Variants in ESR1 observed in about 807,000 individuals in gnomAD.
ESR1 encodes estrogen receptor 1, also known as estrogen receptor.
Under a neutral mutation model 52.7 loss-of-function variants are expected in ESR1, and 12 were observed. The ratio of observed to expected loss-of-function variants is 0.23; its 90% CI spans 0.15 to 0.37. The LOEUF (loss-of-function observed/expected upper bound fraction) is 0.37, where lower values mean the gene tolerates loss of function less well. Ranked by LOEUF, ESR1 falls within the 10% of genes least tolerant of loss-of-function variation. The pLI is 1.00. For synonymous variants in ESR1, 305 were observed against 316.8 expected, an observed-to-expected ratio of 0.96 and a Z score of 0.39; for missense variants, 584 against 779.7, an observed-to-expected ratio of 0.75 and a Z score of 2.99.
intron 2 of ESR1, among the ~76,000 whole-genome samples, chr6:151,859,335 G>A (rs1361903877): frequency 2.0e-5 from 3 of 152,196 alleles, no homozygotes; most frequent in Non-Finnish European, 2.9e-5. Context: ...AAATAGTTAC[G>A]ATTTATCTGT....
intron 4 of ESR1, among the ~76,000 whole-genome samples, chr6:151,977,592 C>T (rs755161899): frequency 5.3e-5 from 8 of 151,856 alleles, no homozygotes; most frequent in East Asian, 1.9e-4. Context: ...GTCAGGAGTT[C>T]GAGACCAGCC....
chr6:151,673,325 A>G (rs1286153573), intron 1 of ESR1, among the ~76,000 whole-genome samples: 1 of 152,176 alleles, frequency 6.6e-6, no homozygotes, highest in African/African-American at 2.4e-5. Context: ...TTTGCCTTAT[A>G]TATTTGGCTG....
At chr6:151,978,704 G>A (rs1342986863) in intron 4 of ESR1, among the ~76,000 whole-genome samples, 1 of 152,040 alleles carries the variant, frequency 6.6e-6, no homozygotes, top group Non-Finnish European at 1.5e-5. Flanking sequence ...AGAAGCCAGT[G>A]GCACACCTTC....
chr6:151,815,608 G>A (rs1779496100), intron 1 of ESR1, among the ~76,000 whole-genome samples: 1 of 152,150 alleles, frequency 6.6e-6, no homozygotes, highest in Non-Finnish European at 1.5e-5. Flanking sequence ...TCTTTCTCAG[G>A]AACAAAAGTA....
intron 2 of ESR1, among the ~76,000 whole-genome samples, chr6:151,878,280 A>G (rs1486477182): frequency 6.6e-6 from 1 of 152,188 alleles, no homozygotes; most frequent in Non-Finnish European, 1.5e-5. Flanking sequence ...TTACTTCTTC[A>G]GTTTGACCCT....
In ESR1 at chr6:151,761,784, T is replaced by A. The variant is rs1207324907; in HGVS notation, c.-70-46059T>A. On this transcript the variant is annotated intron_variant, in intron 2 of 2. Transcript: ENST00000404742. ...TTATCTCTCATTGAAGGAATTAGGC[T>A]CCATCAGTGGTTCTCAAACTCAAGT... Among the ~76,000 whole-genome samples the A allele has an allele frequency of 2.0e-5, 3 of 152,166 alleles. No homozygotes were observed. In the East Asian group the frequency reaches 5.8e-4, roughly 29 times the overall value.
chr6:151,764,970 C>T (rs2128101467), intron 2 of ESR1, among the ~76,000 whole-genome samples: 1 of 152,208 alleles, frequency 6.6e-6, no homozygotes, highest in South Asian at 2.1e-4. Flanking sequence ...CAGTGCTGTA[C>T]AACAGAAATC....
At chr6:151,726,583 G>T (rs560753469) in intron 2 of ESR1, among the ~76,000 whole-genome samples, 1 of 152,126 alleles carries the variant, frequency 6.6e-6, no homozygotes, top group African/African-American at 2.4e-5. Flanking sequence ...TGATCCAACC[G>T]CCTCGGCCTC....
At chr6:151,797,475 T>A (rs1408087436) in intron 2 of ESR1, among the ~76,000 whole-genome samples, 1 of 152,234 alleles carries the variant, frequency 6.6e-6, no homozygotes, top group African/African-American at 2.4e-5. Context: ...CTTTTTATAT[T>A]TTCTGTCTCT....
intron 1 of ESR1, among the ~76,000 whole-genome samples, chr6:151,663,149 G>A (rs534685787): frequency 2.0e-5 from 3 of 152,142 alleles, no homozygotes; most frequent in African/African-American, 7.2e-5. Context: ...TTATTTAATC[G>A]CATGTGATAA....
chr6:152,104,110 G>A (rs993166854), downstream of ESR1, among the ~76,000 whole-genome samples: 6 of 150,112 alleles, frequency 4.0e-5, no homozygotes, highest in Admixed American at 1.3e-4. Flanking sequence ...CACATGGTTC[G>A]CTCATGGAGA....
At chr6:151,683,543 G>A (rs1468555609) in intron 1 of ESR1, among the ~76,000 whole-genome samples, 1 of 151,988 alleles carries the variant, frequency 6.6e-6, no homozygotes, top group African/African-American at 2.4e-5. Context: ...CATATTCCCA[G>A]GTAGCCTGCA....
chr6:151,678,450 G>A (rs1013771883), intron 1 of ESR1, among the ~76,000 whole-genome samples: 2 of 151,524 alleles, frequency 1.3e-5, no homozygotes, highest in African/African-American at 4.9e-5. Context: ...TCCAGCCTGG[G>A]CAACAAAGCG....
intron 5 of ESR1, among the ~76,000 whole-genome samples, chr6:152,039,021 G>A (rs1244729547): frequency 1.3e-5 from 2 of 152,206 alleles, no homozygotes; most frequent in African/African-American, 4.8e-5. Context: ...GTGTATACAG[G>A]CAGAAAGATG....
intron 2 of ESR1, among the ~76,000 whole-genome samples, chr6:151,741,924 C>A (rs1783127525): frequency 6.6e-6 from 1 of 152,190 alleles, no homozygotes; most frequent in Non-Finnish European, 1.5e-5. Context: ...TCTACATCTT[C>A]TCATTTTCTT....
intron 2 of ESR1, among the ~76,000 whole-genome samples, chr6:151,852,681 T>C (rs796296975): frequency 2.8e-4 from 41 of 148,628 alleles, no homozygotes; most frequent in African/African-American, 1.0e-3. Flanking sequence ...CTGTGGCAGT[T>C]CATAGCCTCC....
chr6:151,873,520 G>A (rs903085718), intron 2 of ESR1, among the ~76,000 whole-genome samples: 1 of 152,162 alleles, frequency 6.6e-6, no homozygotes, highest in African/African-American at 2.4e-5. Context: ...ACGGCTCTTG[G>A]AAGCGTCTAC....
upstream of ESR1, chr6:151,807,248 T>TC (rs1778018399): frequency 6.3e-6 from 1 of 159,186 alleles, no homozygotes; most frequent in African/African-American, 2.4e-5. Flanking sequence ...AGTGTAGTCC[T>TC]CCCCAGGGTC....
upstream of ESR1, among the ~76,000 whole-genome samples, chr6:151,688,870 A>G (rs1343655615): frequency 6.6e-6 from 1 of 152,148 alleles, no homozygotes; most frequent in Non-Finnish European, 1.5e-5. Flanking sequence ...CCCTAATACT[A>G]AGGGATGACT....
Sources: allele counts gnomAD v4.1 joint callset (sites outside exome capture counted in the v4.1 genomes callset), GRCh38; gene constraint gnomAD v4.1.1; transcripts MANE v1.5; gene names NCBI Gene and HGNC (gene_info 2026-07-23, HGNC 2026-07-21).